CDKL5: variants seen among roughly 807,000 people sequenced by gnomAD.
The protein encoded by CDKL5 is cyclin dependent kinase like 5.
CDKL5 carries 8 observed loss-of-function variants against 61.7 expected under a neutral mutation model. That is an observed-to-expected ratio of 0.13 (90% CI 0.08 to 0.23). CDKL5 has a LOEUF of 0.23. Ranked by LOEUF, CDKL5 falls within the 10% of genes least tolerant of loss-of-function variation. The pLI is 1.00. For missense variants in CDKL5, 440 were observed against 734.5 expected (o/e 0.60, Z 4.63); for synonymous variants, 275 against 272.3 (o/e 1.01, Z -0.10).
intron 2 of CDKL5, among the ~76,000 whole-genome samples, chrX:18,509,245 A>ACACACACACACACC (rs796171313): frequency 6.4e-4 from 61 of 95,349 alleles, no homozygotes; most frequent in Admixed American, 5.6e-3. Context: ...ACACACACAC[A>ACACACACACACACC]CCCCTGTCAA....
At chrX:18,506,208 G>A (rs947387836) in intron 1 of CDKL5, among the ~76,000 whole-genome samples, 1 of 111,492 alleles carries the variant, frequency 9.0e-6, no homozygotes, top group Non-Finnish European at 1.9e-5. Flanking sequence ...ACAAAAATAT[G>A]CCCTAGGCTC....
chrX:18,619,176 A>G (rs1469953683), intron 15 of CDKL5, among the ~76,000 whole-genome samples: 2 of 73,390 alleles, frequency 2.7e-5, no homozygotes, highest in East Asian at 7.7e-4. Flanking sequence ...TTTTTTTTTT[A>G]AAGAAACAGG....
At chrX:18,547,150 TTGAATAAA>T (rs1322415367) in intron 3 of CDKL5, among the ~76,000 whole-genome samples, 1 of 111,786 alleles carries the variant, frequency 8.9e-6, no homozygotes, top group African/African-American at 3.3e-5. Context: ...TGTTTATTGG[TTGAATAAA>T]TGAATGAATG....
chrX:18,444,408 A>C (rs1483521590), intron 1 of CDKL5, among the ~76,000 whole-genome samples: 2 of 111,854 alleles, frequency 1.8e-5, no homozygotes, highest in Non-Finnish European at 3.8e-5. Context: ...CACTAAAAAC[A>C]TTTGGCTATA....
At chrX:18,489,412 C>T (rs1245730805) in intron 1 of CDKL5, among the ~76,000 whole-genome samples, 1 of 110,604 alleles carries the variant, frequency 9.0e-6, no homozygotes. Flanking sequence ...CCTCCCGCCT[C>T]AGCCTCCCAA....
chrX:18,463,325 T>G (rs961099516), intron 1 of CDKL5, among the ~76,000 whole-genome samples: 1 of 111,225 alleles, frequency 9.0e-6, no homozygotes, highest in Non-Finnish European at 1.9e-5. Context: ...ATGTACAAGT[T>G]TAGTGTAAGA....
At chrX:18,560,347 A>G (rs1325862199) in intron 3 of CDKL5, among the ~76,000 whole-genome samples, 1 of 111,968 alleles carries the variant, frequency 8.9e-6, no homozygotes, top group Non-Finnish European at 1.9e-5. Context: ...TAACAAACCA[A>G]TAAAGTTAAG....
chrX:18,440,739 CTT>C (rs763122052), intron 1 of CDKL5, among the ~76,000 whole-genome samples: 1 of 111,768 alleles, frequency 8.9e-6, no homozygotes, highest in East Asian at 2.8e-4. Context: ...TCCATATAAT[CTT>C]TGTGTCTTTA....
intron 1 of CDKL5, among the ~76,000 whole-genome samples, chrX:18,486,277 G>C (rs942512525): frequency 4.5e-5 from 5 of 111,781 alleles, no homozygotes; most frequent in Non-Finnish European, 9.4e-5. Context: ...CTTCAATGAA[G>C]CTTTCTCTGA....
rs149972521 is a variant in CDKL5 at position 18,444,393 on chromosome X, G to C, written c.-163+18698G>C. ...GCAGTTAATTTGTTAACTTATTGAG[G>C]GTTTCACTAAAAACATTTGGCTATA... On this transcript the variant is annotated intron_variant, in intron 1 of 17. Coordinates refer to ENST00000623535, the MANE Select transcript of CDKL5 (RefSeq NM_001323289.2). 3.3e-3 allele frequency among the ~76,000 whole-genome samples: 361 copies of C among 110,138 alleles called. 3 individuals are homozygous for C. Among genetic ancestry groups the C allele is most frequent in the African/African-American group, 0.012 (352 of 30,344 alleles).
At chrX:18,470,355 GAAAAAA>G (rs1262986005) in intron 1 of CDKL5, among the ~76,000 whole-genome samples, 1 of 7,312 alleles carries the variant, frequency 1.4e-4, no homozygotes, top group African/African-American at 5.4e-4. Flanking sequence ...AAGAAGAAAA[GAAAAAA>G]AAAAAAAAGA....
chrX:18,490,789 G>A (rs897464450), intron 1 of CDKL5, among the ~76,000 whole-genome samples: 2 of 111,726 alleles, frequency 1.8e-5, no homozygotes, highest in African/African-American at 3.2e-5. Flanking sequence ...GTAATTTTAC[G>A]TACCCTTCTG....
At chrX:18,650,286 C>T (rs1012900852) in intron 20 of CDKL5, 26 of 612,377 alleles carry the variant, frequency 4.2e-5, no homozygotes, top group Middle Eastern at 8.8e-4. Context: ...GACGTGGATG[C>T]TGTACTTACT....
chrX:18,507,188 G>A (rs1922608908), intron 2 of CDKL5, 28 bp downstream of exon 2: 1 of 1,046,438 alleles, frequency 9.6e-7, no homozygotes, highest in Non-Finnish European at 1.3e-6. Context: ...CGTTCCTTGA[G>A]TTTTGAGCAA....
chrX:18,645,856 C>A, intron 19 of CDKL5: 1 of 805,072 alleles, frequency 1.2e-6, no homozygotes, highest in Non-Finnish European at 1.8e-6. Flanking sequence ...GCTAAGATGG[C>A]ATTTCCTAGT....
At chrX:18,598,036 C>T (rs1206681607) in intron 10 of CDKL5, among the ~76,000 whole-genome samples, 1 of 111,501 alleles carries the variant, frequency 9.0e-6, no homozygotes. Flanking sequence ...GCCTAAGAAA[C>T]TGGTAACCTA....
intron 8 of CDKL5, among the ~76,000 whole-genome samples, chrX:18,587,043 A>C (rs1925664651): frequency 8.9e-6 from 1 of 112,170 alleles, no homozygotes; most frequent in Non-Finnish European, 1.9e-5. Context: ...GTTTTGTTTC[A>C]CTACTGTATC....
chrX:18,541,750 A>G (rs1371312110), intron 3 of CDKL5, among the ~76,000 whole-genome samples: 1 of 111,530 alleles, frequency 9.0e-6, no homozygotes, highest in Admixed American at 9.5e-5. Context: ...CAACTCCTGG[A>G]CTTAAGCAGT....
At chrX:18,618,280 T>C (rs1224816128) in intron 15 of CDKL5, among the ~76,000 whole-genome samples, 1 of 112,287 alleles carries the variant, frequency 8.9e-6, no homozygotes. Flanking sequence ...TATTCTGTTG[T>C]GCTTCTAGGT....
Sources: gnomAD v4.1 joint callset for allele counts (sites outside exome capture counted in the v4.1 genomes callset) on GRCh38, gnomAD v4.1.1 for gene constraint, MANE v1.5 for transcripts, NCBI Gene and HGNC (gene_info 2026-07-23, HGNC 2026-07-21) for gene names.